The following HSDL1 variants were observed in gnomAD, a reference collection of about 807,000 sequenced individuals.
HSDL1 encodes the protein hydroxysteroid dehydrogenase like 1.
A neutral mutation model predicts 31.5 loss-of-function variants in HSDL1; 29 were observed. The ratio of observed to expected loss-of-function variants is 0.92; its 90% CI spans 0.69 to 1.26. The LOEUF is 1.26. Ranked by LOEUF, HSDL1 falls within the 50% of genes most tolerant of loss-of-function variation. HSDL1 has a pLI of 0.00. For missense variants in HSDL1, 503 were observed against 416.6 expected (o/e 1.21, Z -1.81); for synonymous variants, 222 against 155.2 (o/e 1.43, Z -3.20).
rs185505434 is a variant in HSDL1 at position 84,132,833 on chromosome 16, G to C, written c.-6-1506C>G. Among the ~76,000 whole-genome samples, 398 of 152,090 alleles carry C rather than the reference G, an allele frequency of 2.6e-3. 2 individuals carry two copies. Among genetic ancestry groups the C allele is most frequent in the African/African-American group, 8.8e-3 (365 of 41,482 alleles). The stretch of plus-strand genomic sequence containing the variant: ...ACAAAATATCAAAACAACTGCAATA[G>C]ACTACACTTATATTACAGGGAACTC... On this transcript the variant is annotated intron_variant, in intron 2 of 5. Coordinates refer to ENST00000219439, the MANE Select transcript of HSDL1 (RefSeq NM_031463.5).
At chr16:84,131,412 G>A (rs1257572358) in intron 2 of HSDL1, 85 bp from the exon 3 acceptor site, 3 of 919,504 alleles carry the variant, frequency 3.3e-6, no homozygotes, top group South Asian at 2.8e-5. Flanking sequence ...ATCCAGCTGA[G>A]GGCATCAGAT....
In HSDL1 at chr16:84,124,511, C is replaced by G. The variant is rs2086582873; in HGVS notation, c.*119G>C. Reference sequence around the variant, plus strand: ...TATGTGTGTTTTGCAAATGACGAATCAACAGTATGCTGAATAATCAGCAAT... The same window carrying G: ...TATGTGTGTTTTGCAAATGACGAATGAACAGTATGCTGAATAATCAGCAAT... On this transcript the variant is annotated 3_prime_UTR_variant, in exon 6 of 6. Transcript: ENST00000219439. 1 of 689,580 alleles carries G rather than the reference C, an allele frequency of 1.5e-6. No individual in the cohort carries two copies. The highest frequency in any genetic ancestry group is 2.3e-5 in the Admixed American group (1 of 43,922). 42.7% of individuals were successfully genotyped at this position (689,580 alleles called of 1,614,324 possible).
chr16:84,141,039 G>C (rs560907902), intron 1 of HSDL1, among the ~76,000 whole-genome samples: 2 of 149,752 alleles, frequency 1.3e-5, no homozygotes, highest in Non-Finnish European at 2.9e-5. Context: ...TGCAGTGAGC[G>C]GAGATCGCGC....
At chr16:84,141,622 G>A (rs7184373) in intron 1 of HSDL1, among the ~76,000 whole-genome samples, 27,439 of 152,208 alleles carry the variant, frequency 0.18, 2,559 homozygotes, top group African/African-American at 0.22. Flanking sequence ...ACTCCCGCCA[G>A]CAGCAGGTTC....
chr16:84,137,120 C>T (rs891659658), intron 1 of HSDL1, among the ~76,000 whole-genome samples: 1 of 152,212 alleles, frequency 6.6e-6, no homozygotes, highest in African/African-American at 2.4e-5. Flanking sequence ...GACTCCGTGC[C>T]ACCCGGTATA....
chr16:84,128,789 C>T (rs1471089775), intron 5 of HSDL1, among the ~76,000 whole-genome samples: 2 of 151,762 alleles, frequency 1.3e-5, no homozygotes, highest in Non-Finnish European at 2.9e-5. Flanking sequence ...CTCACTGCAA[C>T]CTCCGCCTCC....
rs974755666 is a variant in HSDL1 at position 84,145,134 on chromosome 16, C to A, written c.-123G>T. On this transcript the variant is annotated 5_prime_UTR_variant, in exon 1 of 6. Transcript: ENST00000219439. ...TCCCGCCAGACCCGCGCGGCCGCCG[C>A]CCCCGTCTCGGCCGCCGGAGCTGCT... The A allele has an allele frequency of 9.2e-5, 18 of 195,374 alleles. No individual in the cohort carries two copies. Among genetic ancestry groups the A allele is most frequent in the Non-Finnish European group, 1.4e-4 (14 of 97,810 alleles). The allele number at this position is 195,374 out of a possible 1,614,324, so 12.1% of individuals were successfully genotyped here. A position where few individuals can be genotyped will look rare whatever the true frequency, so the allele number is the denominator to read the frequency against.
chr16:84,133,747 A>C (rs1433451644), intron 2 of HSDL1, among the ~76,000 whole-genome samples: 1 of 152,140 alleles, frequency 6.6e-6, no homozygotes, highest in African/African-American at 2.4e-5. Flanking sequence ...CAAACAAAAA[A>C]GTTTTCCTCA....
intron 5 of HSDL1, among the ~76,000 whole-genome samples, chr16:84,125,379 CCAAT>C (rs572052629): frequency 2.1e-4 from 31 of 151,100 alleles, no homozygotes; most frequent in South Asian, 6.3e-4. Context: ...ACAATACCCA[CCAAT>C]CAATCACAAC....
chr16:84,136,536 C>G lies in HSDL1; in HGVS notation c.-68-931G>C, dbSNP rs530027256. 2.0e-5 allele frequency among the ~76,000 whole-genome samples: 3 copies of G among 152,370 alleles called. No homozygotes were observed. In the East Asian group the frequency reaches 5.8e-4, roughly 29 times the overall value. On this transcript the variant is annotated intron_variant, in intron 1 of 5. Transcript: ENST00000219439. ...GCCCTCAGCTCAGGAGCGGACCACC[C>G]ACAAATTCCTTTGATCCTTTACAGA...
At position 84,124,646 on chromosome 16, in the gene HSDL1, A is replaced by T. The variant is rs768001553; in HGVS notation, c.977T>A (p.Leu326Ter). The change falls in exon 6 of 6, where the codon TTA becomes TAA. Residue 326 changes from leucine (L) to a stop codon, truncating the protein, a stop_gained. Coordinates refer to ENST00000219439, the MANE Select transcript of HSDL1 (RefSeq NM_031463.5). LOFTEE classifies it high-confidence loss of function. ...ILNRSLRKEA[L>*]SCTA ...CATCCAGACTCAGGCTGTGCAGGAT[A>T]AGGCTTCCTTACGTAGTGAACGGTT... is the stretch of plus-strand genomic sequence containing the variant. The T allele has an allele frequency of 1.9e-6, 3 of 1,612,834 alleles. No homozygotes were observed. The highest frequency in any genetic ancestry group is 2.5e-6 in the Non-Finnish European group (3 of 1,178,798).
chr16:84,133,626 A>AG (rs557460608), intron 2 of HSDL1, among the ~76,000 whole-genome samples: 16 of 152,190 alleles, frequency 1.1e-4, no homozygotes, highest in Non-Finnish European at 1.9e-4. Flanking sequence ...GCTACTTGGG[A>AG]GGCTGAGGCA....
chr16:84,124,641 A>G lies in HSDL1; in HGVS notation c.982T>C (p.Cys328Arg), dbSNP rs775259460. The change falls in exon 6 of 6, where the codon TGC (cysteine) becomes CGC (arginine). Residue 328 changes from cysteine (C) to arginine (R), a missense_variant. Coordinates refer to ENST00000219439, the MANE Select transcript of HSDL1 (RefSeq NM_031463.5). ...NRSLRKEALS[C>R]TA is the part of the protein sequence containing the mutation. ...GTGGCCATCCAGACTCAGGCTGTGC[A>G]GGATAAGGCTTCCTTACGTAGTGAA... The G allele has an allele frequency of 6.8e-6, 11 of 1,611,078 alleles. No individual in the cohort carries two copies. Among genetic ancestry groups the G allele is most frequent in the Non-Finnish European group, 9.3e-6 (11 of 1,177,284 alleles).
chr16:84,128,611 G>A (rs904645181), intron 5 of HSDL1, among the ~76,000 whole-genome samples: 1 of 152,022 alleles, frequency 6.6e-6, no homozygotes, highest in African/African-American at 2.4e-5. Context: ...TTTTCACTGA[G>A]AGGTAACCCT....
chr16:84,131,526 T>TCA (rs1555517121), intron 2 of HSDL1, among the ~76,000 whole-genome samples, 199 bp from the exon 3 acceptor site: 3,634 of 147,412 alleles, frequency 0.025, 64 homozygotes, highest in East Asian at 0.034. Context: ...TCTATCTATC[T>TCA]ATCTATCAGA....
intron 1 of HSDL1, among the ~76,000 whole-genome samples, chr16:84,141,617 C>T (rs537306966): frequency 1.4e-4 from 21 of 152,346 alleles, no homozygotes; most frequent in African/African-American, 4.8e-4. Flanking sequence ...TTCACACTCC[C>T]GCCAGCAGCA....
At chr16:84,128,333 C>G (rs2086629189) in intron 5 of HSDL1, among the ~76,000 whole-genome samples, 1 of 151,808 alleles carries the variant, frequency 6.6e-6, no homozygotes, top group East Asian at 1.9e-4. Flanking sequence ...CTTTACTACA[C>G]CAGATAAAGG....
At chr16:84,138,896 T>C (rs1366726698) in intron 1 of HSDL1, among the ~76,000 whole-genome samples, 1 of 152,212 alleles carries the variant, frequency 6.6e-6, no homozygotes, top group Non-Finnish European at 1.5e-5. Context: ...TGCTGTGGCC[T>C]GTAACATGAT....
At chr16:84,138,919 TG>T (rs1325542410) in intron 1 of HSDL1, among the ~76,000 whole-genome samples, 10 of 152,262 alleles carry the variant, frequency 6.6e-5, no homozygotes, top group African/African-American at 2.4e-4. Flanking sequence ...CACTCCACAG[TG>T]AAGGGGACTC....
Sources: gnomAD v4.1 joint callset for allele counts (sites outside exome capture counted in the v4.1 genomes callset) on GRCh38, gnomAD v4.1.1 for gene constraint, MANE v1.5 for transcripts, NCBI Gene and HGNC (gene_info 2026-07-23, HGNC 2026-07-21) for gene names.